FBXL17: variants seen among roughly 807,000 people sequenced by gnomAD.
FBXL17 encodes F-box/LRR-repeat protein 17.
Under a neutral mutation model 66.2 loss-of-function variants are expected in FBXL17, and 22 were observed. That is an observed-to-expected ratio of 0.33 (90% confidence interval 0.24 to 0.47). The LOEUF (loss-of-function observed/expected upper bound fraction) is 0.47. Ranked by LOEUF, FBXL17 falls within the 20% of genes least tolerant of loss-of-function variation. The pLI is 1.00. For missense variants in FBXL17, 878 were observed against 948.2 expected (o/e 0.93, Z 0.97); for synonymous variants, 474 against 400.5 (o/e 1.18, Z -2.19).
chr5:108,311,816 G>A (rs1456017461), intron 4 of FBXL17, among the ~76,000 whole-genome samples: 3 of 152,096 alleles, frequency 2.0e-5, no homozygotes, highest in Admixed American at 6.6e-5. Context: ...AATAACAAAC[G>A]GCTTATAATG....
At chr5:108,353,168 T>C (rs1310340743) in intron 3 of FBXL17, among the ~76,000 whole-genome samples, 1 of 152,104 alleles carries the variant, frequency 6.6e-6, no homozygotes, top group East Asian at 1.9e-4. Flanking sequence ...TTCTAAAAAA[T>C]AAAAAGCTGA....
intron 4 of FBXL17, among the ~76,000 whole-genome samples, chr5:108,272,246 G>C (rs991615877): frequency 6.6e-6 from 1 of 151,814 alleles, no homozygotes; most frequent in East Asian, 1.9e-4. Flanking sequence ...ACCCGAGATC[G>C]CGCCACCGCA....
At position 107,860,202 on chromosome 5, in the gene FBXL17, T is replaced by C. The variant is rs932819874; in HGVS notation, c.*1518A>G. The C allele has an allele frequency of 2.6e-5, 4 of 152,644 alleles. No homozygotes were observed. The highest frequency in any genetic ancestry group is 5.9e-5 in the Non-Finnish European group (4 of 68,024). 9.5% of individuals were successfully genotyped at this position (152,644 alleles called of 1,614,324 possible). Reference sequence around the variant, plus strand: ...GCTATCTTGTTTCTTACAGCTAATGTCATGTTAGCAATGTGAGACTTAAAG... The same window carrying C: ...GCTATCTTGTTTCTTACAGCTAATGCCATGTTAGCAATGTGAGACTTAAAG... On this transcript the variant is annotated 3_prime_UTR_variant, in exon 9 of 9. Transcript: ENST00000542267.
At chr5:108,138,935 G>A (rs761768959) in intron 6 of FBXL17, among the ~76,000 whole-genome samples, 1 of 152,098 alleles carries the variant, frequency 6.6e-6, no homozygotes, top group Admixed American at 6.5e-5. Flanking sequence ...ACTAAACTTG[G>A]GTAAGAATTG....
chr5:108,294,506 TGAG>T (rs1758265465), intron 4 of FBXL17, among the ~76,000 whole-genome samples: 1 of 151,998 alleles, frequency 6.6e-6, no homozygotes, highest in Non-Finnish European at 1.5e-5. Flanking sequence ...TATGAATTTT[TGAG>T]GAGAACTGTC....
chr5:108,379,915 T>C (rs916627372), intron 1 of FBXL17, among the ~76,000 whole-genome samples: 2 of 152,248 alleles, frequency 1.3e-5, no homozygotes, highest in African/African-American at 4.8e-5. Flanking sequence ...TGTATGCTTT[T>C]ATGCAAGGGT....
intron 4 of FBXL17, among the ~76,000 whole-genome samples, chr5:108,293,133 G>A (rs976023912): frequency 5.3e-5 from 8 of 149,778 alleles, no homozygotes; most frequent in Non-Finnish European, 7.4e-5. Flanking sequence ...TTGTTGAATA[G>A]AAACAGTATT....
rs867702003 is a variant in FBXL17, at chr5:108,134,833, T to C, written c.1745+51284A>G. Among the ~76,000 whole-genome samples, 4 of 152,186 alleles carry C rather than the reference T, an allele frequency of 2.6e-5. No homozygotes were observed. The South Asian group carries it at 8.3e-4, about 32-fold the overall frequency. ...TGCAGAAATCCTCAGATGAAGATGC[T>C]TTGTCCCCCACTTACAAATTAAGTC... On this transcript the variant is annotated intron_variant, in intron 6 of 8. Transcript: ENST00000542267.
At chr5:107,952,366 T>C (rs1186934506) in intron 7 of FBXL17, among the ~76,000 whole-genome samples, 1 of 152,188 alleles carries the variant, frequency 6.6e-6, no homozygotes, top group Non-Finnish European at 1.5e-5. Context: ...CTGCCTCCAC[T>C]ATAACTGAAA....
chr5:107,929,557 T>G (rs1042242523), intron 7 of FBXL17, among the ~76,000 whole-genome samples: 3 of 152,186 alleles, frequency 2.0e-5, no homozygotes, highest in Non-Finnish European at 1.5e-5. Context: ...TTCTAAAAGC[T>G]TCAGGTTTAC....
chr5:107,874,112 T>A (rs886589633), intron 8 of FBXL17, among the ~76,000 whole-genome samples: 1 of 152,268 alleles, frequency 6.6e-6, no homozygotes, highest in East Asian at 1.9e-4. Flanking sequence ...AAGGACTGAC[T>A]TCTACCGGTT....
intron 6 of FBXL17, among the ~76,000 whole-genome samples, chr5:108,154,590 C>CA (rs1162622917): frequency 0.029 from 1,132 of 39,632 alleles, 20 homozygotes; most frequent in Middle Eastern, 0.067. Flanking sequence ...AACTCAGTTT[C>CA]AAAAAAAAAA....
At chr5:108,041,768 T>C (rs1011185774) in intron 6 of FBXL17, among the ~76,000 whole-genome samples, 4 of 152,156 alleles carry the variant, frequency 2.6e-5, no homozygotes, top group Admixed American at 2.6e-4. Context: ...CTTCCTTTTA[T>C]TGTGAAAATT....
intron 7 of FBXL17, among the ~76,000 whole-genome samples, chr5:107,969,070 T>A (rs910157607): frequency 6.6e-6 from 1 of 152,154 alleles, no homozygotes; most frequent in African/African-American, 2.4e-5. Flanking sequence ...AAATCAGCCA[T>A]GTTCATCACT....
chr5:108,155,788 A>G (rs1751972874), intron 6 of FBXL17, among the ~76,000 whole-genome samples: 1 of 152,220 alleles, frequency 6.6e-6, no homozygotes, highest in South Asian at 2.1e-4. Flanking sequence ...GATTTAGAAC[A>G]AAAAATAAAA....
intron 6 of FBXL17, among the ~76,000 whole-genome samples, chr5:108,050,364 CT>C (rs1350635873): frequency 6.6e-6 from 1 of 152,178 alleles, no homozygotes; most frequent in African/African-American, 2.4e-5. Context: ...AACAAACATC[CT>C]CTCAGACCAC....
chr5:107,872,648 GA>G (rs1196364307), intron 8 of FBXL17, among the ~76,000 whole-genome samples: 2 of 152,134 alleles, frequency 1.3e-5, no homozygotes, highest in African/African-American at 2.4e-5. Context: ...CATAGAAGGA[GA>G]AACCCACAGA....
chr5:108,308,250 AAATAAC>A (rs1432981700), intron 4 of FBXL17, among the ~76,000 whole-genome samples: 6 of 152,240 alleles, frequency 3.9e-5, no homozygotes, highest in Non-Finnish European at 8.8e-5. Context: ...ATAGTAGTAG[AAATAAC>A]AATAACAAGT....
chr5:108,303,705 G>A (rs545998466), intron 4 of FBXL17, among the ~76,000 whole-genome samples: 5 of 151,800 alleles, frequency 3.3e-5, no homozygotes, highest in Middle Eastern at 3.4e-3. Flanking sequence ...TATCTGCAAA[G>A]GTCAAAAATA....
Sources: gnomAD v4.1 joint callset for allele counts (sites outside exome capture counted in the v4.1 genomes callset) on GRCh38, gnomAD v4.1.1 for gene constraint, MANE v1.5 for transcripts, NCBI Gene and HGNC (gene_info 2026-07-23, HGNC 2026-07-21) for gene names.